FRYL: variants seen among roughly 807,000 people sequenced by gnomAD.
FRYL encodes protein furry homolog-like.
Under a neutral mutation model 351.2 loss-of-function variants are expected in FRYL, and 150 were observed. That is an observed-to-expected ratio of 0.43 (90% CI 0.37 to 0.49). FRYL has a LOEUF of 0.49. Ranked by LOEUF, FRYL falls within the 20% of genes least tolerant of loss-of-function variation. The pLI is 0.00. For synonymous variants in FRYL, 1,153 were observed against 1,257.1 expected, an observed-to-expected ratio of 0.92 and a Z score of 1.75; for missense variants, 3,036 against 3,619.3, an observed-to-expected ratio of 0.84 and a Z score of 4.13.
At chr4:48,650,377 T>G (rs1338979813) in intron 3 of FRYL, among the ~76,000 whole-genome samples, 1 of 151,972 alleles carries the variant, frequency 6.6e-6, no homozygotes, top group Non-Finnish European at 1.5e-5. Flanking sequence ...AAAAAGACAA[T>G]CAACCAATAC....
intron 3 of FRYL, among the ~76,000 whole-genome samples, chr4:48,650,260 T>G (rs902401901): frequency 6.6e-6 from 1 of 152,232 alleles, no homozygotes; most frequent in African/African-American, 2.4e-5. Context: ...TTCTACCTTC[T>G]TCTCTATTAT....
chr4:48,547,707 T>C lies in FRYL; in HGVS notation c.4951A>G (p.Ile1651Val). ...ATGTTACTATTGGGTCCCATTACTA[T>C]TAATAAGTGCAGAAGCAGGCGTTTA... The part of the protein sequence containing the change: ...HCKRLLLHLL[I>V]VMGPNSNIRT... Residue 1651 changes from isoleucine to valine, a missense_variant, in exon 41 of 64, where the codon ATA becomes GTA. Ile to Val is a conservative substitution (Grantham distance 29). This residue lies in a region of FRYL where 1,987 missense variants were observed against 2,311.7 expected (regional missense o/e 0.86). Transcript: ENST00000358350. 1 of 1,601,390 alleles carries C rather than the reference T, an allele frequency of 6.2e-7. No individual in the cohort carries two copies. Among genetic ancestry groups the C allele is most frequent in the South Asian group, 1.1e-5 (1 of 89,126 alleles).
At chr4:48,623,210 A>G in intron 4 of FRYL, 31 bp from the exon 5 acceptor site, 1 of 1,162,034 alleles carries the variant, frequency 8.6e-7, no homozygotes, top group Non-Finnish European at 1.2e-6. Flanking sequence ...CATTAAAAAT[A>G]AAAATAAAGC....
intron 60 of FRYL, among the ~76,000 whole-genome samples, chr4:48,505,166 A>G (rs745635591): frequency 1.3e-5 from 2 of 152,170 alleles, no homozygotes; most frequent in Non-Finnish European, 2.9e-5. Flanking sequence ...TGGATATATT[A>G]TATCACATTA....
rs750717507 is a variant in FRYL at position 48,575,235 on chromosome 4, C to T, written c.2728G>A (p.Gly910Ser). 1 of 1,611,400 alleles carries T rather than the reference C, an allele frequency of 6.2e-7. No individual in the cohort carries two copies. The highest frequency in any genetic ancestry group is 1.7e-5 in the Admixed American group (1 of 59,682). ...SGYSIDSKII[G>S]IPSPSSLFKH... ...AACAAGGATGAAGGGGATGGGATGCCAATAATCTGGAAAAAAAATATCGTA... is the reference window on the plus strand; with the variant it reads ...AACAAGGATGAAGGGGATGGGATGCTAATAATCTGGAAAAAAAATATCGTA... The change falls in exon 25 of 64, where the codon GGC (glycine) becomes AGC (serine). Residue 910 changes from glycine to serine, a missense_variant. This residue lies in a region of FRYL where 492 missense variants were observed against 551.5 expected (regional missense o/e 0.89). Coordinates refer to ENST00000358350, the MANE Select transcript of FRYL (RefSeq NM_015030.2).
chr4:48,672,014 C>T (rs969876380), intron 3 of FRYL, among the ~76,000 whole-genome samples: 9 of 151,914 alleles, frequency 5.9e-5, no homozygotes, highest in Non-Finnish European at 1.3e-4. Flanking sequence ...AGAATACTTT[C>T]TGTGACAGAA....
At chr4:48,732,831 G>A (rs929561693) in intron 1 of FRYL, among the ~76,000 whole-genome samples, 25 of 151,830 alleles carry the variant, frequency 1.6e-4, no homozygotes, top group Middle Eastern at 3.4e-3. Context: ...TGTAGGTGAC[G>A]GGTTGATGTG....
At chr4:48,659,956 G>GAAC (rs1274115035) in intron 3 of FRYL, among the ~76,000 whole-genome samples, 1 of 146,230 alleles carries the variant, frequency 6.8e-6, no homozygotes, top group African/African-American at 2.6e-5. Flanking sequence ...AGAAGAAGAA[G>GAAC]AAGAAGAAGA....
intron 1 of FRYL, among the ~76,000 whole-genome samples, chr4:48,779,826 G>A (rs979269193): frequency 8.6e-5 from 13 of 151,060 alleles, no homozygotes; most frequent in African/African-American, 2.9e-4. Context: ...CGGAGCTCGG[G>A]CGGGCTTTCG....
intron 17 of FRYL, 150 bp downstream of exon 17, chr4:48,590,509 A>G (rs1743029433): frequency 7.5e-6 from 4 of 532,548 alleles, no homozygotes. Context: ...ACAAAAAACA[A>G]AAAAAACCCA....
chr4:48,609,136 A>T (rs776603), intron 8 of FRYL, 69 bp from the exon 9 acceptor site: 914,690 of 918,474 alleles, frequency 1, 455,539 homozygotes, highest in East Asian at 1. Flanking sequence ...CCTAATACAT[A>T]TGAAAATTCC....
chr4:48,673,280 T>C (rs1763009620), intron 3 of FRYL, among the ~76,000 whole-genome samples: 1 of 152,246 alleles, frequency 6.6e-6, no homozygotes, highest in African/African-American at 2.4e-5. Context: ...TAATACACAC[T>C]AGAATTAAAG....
chr4:48,505,694 C>T (rs760375949), intron 59 of FRYL, 79 bp from the exon 60 acceptor site: 18 of 848,922 alleles, frequency 2.1e-5, no homozygotes, highest in Non-Finnish European at 2.9e-5. Flanking sequence ...CAACACCAAA[C>T]TTAAAGTTAA....
In FRYL at chr4:48,567,416, T is replaced by G. The variant is rs1737024881; in HGVS notation, c.3001A>C (p.Ser1001Arg). 6.3e-7 allele frequency: 1 copy of G among 1,594,078 alleles called. No homozygotes were observed. The highest frequency in any genetic ancestry group is 8.5e-7 in the Non-Finnish European group (1 of 1,173,396). Residue 1001 changes from serine (S) to arginine (R), a missense_variant, in exon 28 of 64, where the codon AGT (serine) becomes CGT (arginine). Physicochemically the swap from Ser to Arg is moderately radical, Grantham distance 110 (BLOSUM62 -1). Transcript: ENST00000358350. The surrounding 1 kb of genome is among the most constrained non-coding windows in gnomAD (Gnocchi z 4.2). ...TGTGTTTCATTATCAAGGCCACCAC[T>G]TGCACTGAAAATATTGAAGAAAACA... Reference protein sequence around the residue: ...ADAGVISHSASGGLDNETHFL... With the variant: ...ADAGVISHSARGGLDNETHFL...
chr4:48,539,858 A>C (rs751139469), intron 47 of FRYL, 113 bp downstream of exon 47: 104 of 739,314 alleles, frequency 1.4e-4, no homozygotes, highest in Non-Finnish European at 2.1e-4. Flanking sequence ...TTAAATGCAA[A>C]ATTCATATGG....
At chr4:48,749,097 G>A (rs1233271615) in intron 1 of FRYL, among the ~76,000 whole-genome samples, 5 of 152,234 alleles carry the variant, frequency 3.3e-5, no homozygotes, top group Non-Finnish European at 7.3e-5. Flanking sequence ...CAGAAAGGCC[G>A]AGAGGGGCCA....
chr4:48,630,727 T>G (rs1015001230), intron 4 of FRYL, among the ~76,000 whole-genome samples: 1 of 152,222 alleles, frequency 6.6e-6, no homozygotes, highest in Non-Finnish European at 1.5e-5. Context: ...GCTTCCTTAA[T>G]CTTCTTTTAT....
At chr4:48,580,252 T>G (rs1332709597) in intron 22 of FRYL, among the ~76,000 whole-genome samples, 1 of 152,148 alleles carries the variant, frequency 6.6e-6, no homozygotes, top group Non-Finnish European at 1.5e-5. Context: ...TAGTAAGGTT[T>G]TATAGCTATT....
chr4:48,652,495 T>C (rs543603885), intron 3 of FRYL, among the ~76,000 whole-genome samples: 19 of 152,340 alleles, frequency 1.2e-4, no homozygotes, highest in African/African-American at 4.1e-4. Flanking sequence ...ATTTTAACTA[T>C]GTATATTCAC....
Sources: allele counts gnomAD v4.1 joint callset (sites outside exome capture counted in the v4.1 genomes callset), GRCh38; gene constraint gnomAD v4.1.1; regional missense constraint gnomAD v4.1.1; non-coding constraint Gnocchi (gnomAD v3.1); transcripts MANE v1.5; gene names NCBI Gene and HGNC (gene_info 2026-07-23, HGNC 2026-07-21).